Variants in MON1A observed in about 807,000 individuals in gnomAD.
MON1A encodes vacuolar fusion protein MON1 homolog A.
MON1A carries 29 observed loss-of-function variants against 44.6 expected under a neutral mutation model. That is an observed-to-expected ratio of 0.65 (90% CI 0.48 to 0.89). The LOEUF (loss-of-function observed/expected upper bound fraction) is 0.89, where lower values mean the gene tolerates loss of function less well. Ranked by LOEUF, MON1A falls within the 40% of genes least tolerant of loss-of-function variation. MON1A has a pLI of 0.00. For missense variants in MON1A, 615 were observed against 759.6 expected (o/e 0.81, Z 2.24); for synonymous variants, 275 against 316.4 (o/e 0.87, Z 1.39).
rs777726706 is a variant in MON1A, at chr3:49,910,342, C to A, written c.1156G>T (p.Glu386Ter). The A allele has an allele frequency of 4.3e-6, 7 of 1,614,092 alleles. No individual in the cohort carries two copies. The highest frequency in any genetic ancestry group is 5.1e-6 in the Non-Finnish European group (6 of 1,180,052). Reference sequence around the variant, plus strand: ...AGCAGGCAGAGGTCAGTGTCAGGCTCTAGGTAAGAGATGTGTGCGTGGAAG... The same window carrying A: ...AGCAGGCAGAGGTCAGTGTCAGGCTATAGGTAAGAGATGTGTGCGTGGAAG... ...GFFHAHISYL[E>*]PDTDLCLLLV... Residue 386 changes from glutamate to a stop codon, truncating the protein, a stop_gained, in exon 4 of 6, where the codon GAG becomes TAG. Coordinates refer to ENST00000296473, the MANE Select transcript of MON1A (RefSeq NM_032355.4). LOFTEE classifies it high-confidence loss of function. This position sits in a 1 kb window ranked among gnomAD's most constrained non-coding sequence, Gnocchi z 8.0.
intron 2 of MON1A, 155 bp downstream of exon 2, chr3:49,913,065 C>G (rs1180332090): frequency 5.1e-6 from 5 of 985,064 alleles, no homozygotes; most frequent in Non-Finnish European, 7.9e-6. Flanking sequence ...CAGAATGAGC[C>G]TGGCCTCCTG....
At chr3:49,918,368 G>A (rs188323311) in intron 1 of MON1A, among the ~76,000 whole-genome samples, 50 of 151,456 alleles carry the variant, frequency 3.3e-4, no homozygotes, top group African/African-American at 1.0e-3. Context: ...AAGAACTTCC[G>A]GAGATTACCA....
chr3:49,909,000 C>A lies in MON1A; in HGVS notation c.*14G>T, dbSNP rs368521037. On this transcript the variant is annotated 3_prime_UTR_variant, in exon 6 of 6. Transcript: ENST00000296473. ...CTAGTGTGTCCAGGAAGGCTGAGCCCGCACACATTCCCATCAATAGGTGAG... is the reference window on the plus strand; with the variant it reads ...CTAGTGTGTCCAGGAAGGCTGAGCCAGCACACATTCCCATCAATAGGTGAG... 2 of 1,606,254 alleles carry A rather than the reference C, an allele frequency of 1.2e-6. No individual in the cohort carries two copies. The highest frequency in any genetic ancestry group is 4.5e-5 in the East Asian group (2 of 44,758).
At position 49,909,479 on chromosome 3, in the gene MON1A, C is replaced by T; in HGVS notation, c.1380-79G>A. Reference sequence around the variant, plus strand: ...CTCTAGAGATTTAGAAACACCTATTCCTATCCAGGAAGACTCTATCTTATG... The same window carrying T: ...CTCTAGAGATTTAGAAACACCTATTTCTATCCAGGAAGACTCTATCTTATG... On this transcript the variant is annotated intron_variant, in intron 4 of 5. Coordinates refer to ENST00000296473, the MANE Select transcript of MON1A (RefSeq NM_032355.4). The surrounding 1 kb of genome is among the most constrained non-coding windows in gnomAD (Gnocchi z 4.0). The T allele has an allele frequency of 6.4e-7, 1 of 1,563,122 alleles. No homozygotes were observed. The highest frequency in any genetic ancestry group is 2.2e-4 in the Middle Eastern group (1 of 4,452).
Position 49,910,507 on chromosome 3 carries a change from C to T in MON1A, c.991G>A (p.Ala331Thr), listed in dbSNP as rs746207830. The T allele has an allele frequency of 6.2e-5, 100 of 1,613,918 alleles. No individual in the cohort carries two copies. The East Asian group carries it at 2.0e-3, about 32-fold the overall frequency. The change falls in exon 4 of 6, where the codon GCA becomes ACA. Residue 331 changes from alanine (A) to threonine (T), a missense_variant. By Grantham distance (58) the Ala-to-Thr change is moderately conservative. Transcript: ENST00000296473. This position sits in a 1 kb window ranked among gnomAD's most constrained non-coding sequence, Gnocchi z 8.0. ...AATTGGTCCTTTCGGCGCACGAGTGCCACGAGCTGGTTGCGGGCCAGCAGG... is the reference window on the plus strand; with the variant it reads ...AATTGGTCCTTTCGGCGCACGAGTGTCACGAGCTGGTTGCGGGCCAGCAGG... ...SILLARNQLV[A>T]LVRRKDQFLH...
chr3:49,909,330 G>A lies in MON1A; in HGVS notation c.1450C>T (p.His484Tyr), dbSNP rs771987041. ...CGAGAGGCATTGTGGGCACGACTGT[G>A]CAAGTACTGGTAGAGGCCCAGCAGC... ...ERLLGLYQYLHSRAHNASRPL... is the reference protein window; with the variant it reads ...ERLLGLYQYLYSRAHNASRPL... Residue 484 changes from histidine (H) to tyrosine (Y), a missense_variant, in exon 5 of 6, where the codon CAC becomes TAC. His to Tyr is a moderately conservative substitution (Grantham distance 83). Coordinates refer to ENST00000296473, the MANE Select transcript of MON1A (RefSeq NM_032355.4). This position sits in a 1 kb window ranked among gnomAD's most constrained non-coding sequence, Gnocchi z 4.0. 1 of 1,614,058 alleles carries A rather than the reference G, an allele frequency of 6.2e-7. No homozygotes were observed. Among genetic ancestry groups the A allele is most frequent in the Non-Finnish European group, 8.5e-7 (1 of 1,180,016 alleles).
At chr3:49,919,260 T>C (rs2082975439) in intron 1 of MON1A, among the ~76,000 whole-genome samples, 1 of 152,172 alleles carries the variant, frequency 6.6e-6, no homozygotes, top group Non-Finnish European at 1.5e-5. Flanking sequence ...TTTGTGAACT[T>C]TTCTATATGT....
chr3:49,921,183 A>C, intron 1 of MON1A, among the ~76,000 whole-genome samples: 1 of 150,064 alleles, frequency 6.7e-6, no homozygotes, highest in East Asian at 2.1e-4. Context: ...TTTGAGATGG[A>C]GTCTCGCTCT....
chr3:49,919,247 T>C (rs539988626), intron 1 of MON1A, among the ~76,000 whole-genome samples: 2 of 152,314 alleles, frequency 1.3e-5, no homozygotes, highest in South Asian at 4.1e-4. Context: ...GCTATACTTA[T>C]GATTTGTGAA....
chr3:49,926,619 G>A (rs1650893191), intron 1 of MON1A, among the ~76,000 whole-genome samples: 1 of 152,058 alleles, frequency 6.6e-6, no homozygotes, highest in Non-Finnish European at 1.5e-5. Context: ...ACCACGCCTG[G>A]CTAATTTTTT....
At position 49,912,018 on chromosome 3, in the gene MON1A, G is replaced by A. The variant is rs2082892871; in HGVS notation, c.128-7C>T. 6.4e-7 allele frequency: 1 copy of A among 1,558,920 alleles called. No homozygotes were observed. The highest frequency in any genetic ancestry group is 2.3e-5 in the East Asian group (1 of 44,344). ...GCACCCTCCTGGCCCGCACCTGCAG[G>A]CCAAAAGCACTGGTGCTTAGAGGGG... On this transcript the variant is annotated splice_polypyrimidine_tract_variant and splice_region_variant and intron_variant, in intron 2 of 5. Transcript: ENST00000296473.
At chr3:49,926,781 GA>G (rs1457982675) in intron 1 of MON1A, among the ~76,000 whole-genome samples, 2 of 149,546 alleles carry the variant, frequency 1.3e-5, no homozygotes, top group Non-Finnish European at 3.0e-5. Context: ...TTGGGAGGGA[GA>G]TTTTTTTTTT....
intron 2 of MON1A, chr3:49,912,967 G>A (rs909068570): frequency 1.1e-5 from 7 of 619,752 alleles, no homozygotes; most frequent in African/African-American, 1.1e-4. Flanking sequence ...GAGGTGCGCT[G>A]TAGACACAGG....
At position 49,910,153 on chromosome 3, in the gene MON1A, G is replaced by A. The variant is rs764609348; in HGVS notation, c.1345C>T (p.Leu449Phe). 3 of 1,607,452 alleles carry A rather than the reference G, an allele frequency of 1.9e-6. No individual in the cohort carries two copies. Among genetic ancestry groups the A allele is most frequent in the Non-Finnish European group, 2.6e-6 (3 of 1,174,776 alleles). The change falls in exon 4 of 6, where the codon CTC becomes TTC. Residue 449 changes from leucine (L) to phenylalanine (F), a missense_variant. Transcript: ENST00000296473. The surrounding 1 kb of genome is among the most constrained non-coding windows in gnomAD (Gnocchi z 8.0). ...AGTCCCGAGCTCTTTGACTTATAGA[G>A]GAAGTGACGCAGGTCAGGGATGCCC... ...QVGIPDLRHF[L>F]YKSKSSGLFT...
chr3:49,929,468 A>G, intron 1 of MON1A, 141 bp downstream of exon 1: 1 of 971,154 alleles, frequency 1.0e-6, no homozygotes, highest in Non-Finnish European at 1.6e-6. Flanking sequence ...CGGCTGAGGG[A>G]CCGCAGGGAG....
intron 1 of MON1A, among the ~76,000 whole-genome samples, chr3:49,918,745 C>T (rs891687210): frequency 6.6e-6 from 1 of 152,106 alleles, no homozygotes; most frequent in African/African-American, 2.4e-5. Flanking sequence ...TGTTCATGCT[C>T]CATAGAGGCT....
chr3:49,913,482 T>C, intron 1 of MON1A, 123 bp from the exon 2 acceptor site: 2 of 885,920 alleles, frequency 2.3e-6, no homozygotes, highest in Non-Finnish European at 1.7e-6. Context: ...CTCTAGAAAA[T>C]GGATTCTGAG....
chr3:49,910,430 C>T lies in MON1A; in HGVS notation c.1068G>A (p.Ser356=), dbSNP rs374746320. 2.6e-5 allele frequency: 42 copies of T among 1,614,062 alleles called. No homozygotes were observed. The highest frequency in any genetic ancestry group is 1.8e-5 in the Non-Finnish European group (21 of 1,180,042). ...HLLFNLISSS[S]SFREGEAWTP... is the part of the protein sequence containing the mutation. ...TCCAGGCCTCGCCCTCGCGAAAGGA[C>T]GAGGAGGAACTAATGAGGTTGAAGA... Residue 356 remains serine, a synonymous_variant, in exon 4 of 6, where the codon TCG becomes TCA. Transcript: ENST00000296473. The surrounding 1 kb of genome is among the most constrained non-coding windows in gnomAD (Gnocchi z 8.0).
rs1389731241 is a variant in MON1A at position 49,910,305 on chromosome 3, G to C, written c.1193C>G (p.Thr398Ser). Residue 398 changes from threonine to serine, a missense_variant, in exon 4 of 6, where the codon ACT becomes AGT. Thr to Ser is a moderately conservative substitution (Grantham distance 58, BLOSUM62 1). Coordinates refer to ENST00000296473, the MANE Select transcript of MON1A (RefSeq NM_032355.4). This position sits in a 1 kb window ranked among gnomAD's most constrained non-coding sequence, Gnocchi z 8.0. The stretch of plus-strand genomic sequence containing the variant: ...GACTGCAAAGAAGTCCTCACGGTCA[G>C]TGGAGACAAGCAGCAGGCAGAGGTC... ...DTDLCLLLVS[T>S]DREDFFAVSD... 2 of 1,614,102 alleles carry C rather than the reference G, an allele frequency of 1.2e-6. No individual in the cohort carries two copies. The highest frequency in any genetic ancestry group is 2.7e-5 in the African/African-American group (2 of 74,944).
Sources: gnomAD v4.1 joint callset for allele counts (sites outside exome capture counted in the v4.1 genomes callset) on GRCh38, gnomAD v4.1.1 for gene constraint, Gnocchi (gnomAD v3.1) non-coding constraint, MANE v1.5 for transcripts, NCBI Gene and HGNC (gene_info 2026-07-23, HGNC 2026-07-21) for gene names.